Variants in CTRC observed in about 807,000 individuals in gnomAD.
CTRC encodes the protein chymotrypsin-C.
In CTRC, 32 loss-of-function variants were observed where a neutral mutation model predicts 35.7. That is an observed-to-expected ratio of 0.90 (90% CI 0.68 to 1.20). CTRC has a LOEUF of 1.20. Ranked by LOEUF, CTRC falls within the 50% of genes most tolerant of loss-of-function variation. The pLI is 0.00. For missense variants in CTRC, 324 were observed against 361.5 expected (o/e 0.90, Z 0.84); for synonymous variants, 119 against 149.5 (o/e 0.80, Z 1.49).
Position 15,441,378 on chromosome 1 carries a change from G to A in CTRC, c.230+788G>A, listed in dbSNP as rs558950677. 2.2e-3 allele frequency among the ~76,000 whole-genome samples: 329 copies of A among 152,228 alleles called. 1 individual carries two copies. The highest frequency in any genetic ancestry group is 3.5e-3 in the Non-Finnish European group (239 of 68,016). ...GAAATCATGGATCTAGGAGAAGGGTGTTCCAGGCGGAGGGAACAGCCATGC... is the reference window on the plus strand; with the variant it reads ...GAAATCATGGATCTAGGAGAAGGGTATTCCAGGCGGAGGGAACAGCCATGC... On this transcript the variant is annotated intron_variant, in intron 3 of 7. Coordinates refer to ENST00000375949, the MANE Select transcript of CTRC (RefSeq NM_007272.3).
rs555177697 is a variant in CTRC, at chr1:15,442,650, C to T, written c.356+78C>T. The T allele has an allele frequency of 1.1e-3, 1,672 of 1,588,456 alleles. 1 individual carries two copies. Among genetic ancestry groups the T allele is most frequent in the Non-Finnish European group, 1.3e-3 (1,532 of 1,162,894 alleles). ...GGTCCCCAAGACGGAGCCGCAGAGC[C>T]TGTCGCACCCCATACCTGACACCCC... On this transcript the variant is annotated intron_variant, in intron 4 of 7. Coordinates refer to ENST00000375949, the MANE Select transcript of CTRC (RefSeq NM_007272.3).
rs112254831 is a variant in CTRC, at chr1:15,447,167, G to A, written c.*578G>A. 6.5e-4 allele frequency: 136 copies of A among 207,874 alleles called. No homozygotes were observed. The highest frequency in any genetic ancestry group is 3.0e-3 in the African/African-American group (131 of 43,020). 12.9% of individuals were successfully genotyped at this position (207,874 alleles called of 1,614,324 possible). On this transcript the variant is annotated 3_prime_UTR_variant, in exon 8 of 8. Coordinates refer to ENST00000375949, the MANE Select transcript of CTRC (RefSeq NM_007272.3). ...AGGGACCCCCCACCCCCACCCCGCA[G>A]CACAGACCCCATGGCTGCTGTTGGC...
rs1046252272 is a variant in CTRC at position 15,443,320 on chromosome 1, C to A, written c.357-99C>A. Reference sequence around the variant, plus strand: ...GATGTTTGTGAAGGACCCCTGAGCACCCTGGGCCTGACTCCCAACTCACAG... The same window carrying A: ...GATGTTTGTGAAGGACCCCTGAGCAACCTGGGCCTGACTCCCAACTCACAG... On this transcript the variant is annotated intron_variant, in intron 4 of 7. Transcript: ENST00000375949. 4 of 1,467,546 alleles carry A rather than the reference C, an allele frequency of 2.7e-6. No individual in the cohort carries two copies. The African/African-American group carries it at 5.6e-5, about 20-fold the overall frequency. 90.9% of individuals were successfully genotyped at this position (1,467,546 alleles called of 1,614,324 possible).
chr1:15,445,206 A>G (rs1025911718), intron 6 of CTRC, among the ~76,000 whole-genome samples: 7 of 151,982 alleles, frequency 4.6e-5, no homozygotes, highest in African/African-American at 1.7e-4. Flanking sequence ...TCAAACACAC[A>G]ACCCTCTCCC....
intron 4 of CTRC, 151 bp from the exon 5 acceptor site, chr1:15,443,268 A>T: frequency 1.2e-6 from 1 of 867,578 alleles, no homozygotes; most frequent in Non-Finnish European, 1.9e-6. Flanking sequence ...TGATATTCCC[A>T]AAGGCCAAGA....
At chr1:15,441,377 T>A (rs1708129345) in intron 3 of CTRC, among the ~76,000 whole-genome samples, 1 of 151,954 alleles carries the variant, frequency 6.6e-6, no homozygotes, top group African/African-American at 2.4e-5. Flanking sequence ...AGGAGAAGGG[T>A]GTTCCAGGCG....
rs531236651 is a variant in CTRC at position 15,438,584 on chromosome 1, G to C, written c.40+80G>C. 64 of 1,506,562 alleles carry C rather than the reference G, an allele frequency of 4.2e-5. No homozygotes were observed. In the African/African-American group the frequency reaches 7.5e-4, roughly 18 times the overall value. The allele number at this position is 1,506,562 out of a possible 1,614,324, so 93.3% of individuals were successfully genotyped here. ...AGGGCAAGGACGGGATGGGGAGTGG[G>C]GGGGCCTCTGCTCTCCAGGTAAGAC... On this transcript the variant is annotated intron_variant, in intron 1 of 7. Coordinates refer to ENST00000375949, the MANE Select transcript of CTRC (RefSeq NM_007272.3).
At chr1:15,443,189 G>T (rs1026907309) in intron 4 of CTRC, among the ~76,000 whole-genome samples, 1 of 152,180 alleles carries the variant, frequency 6.6e-6, no homozygotes, top group African/African-American at 2.4e-5. Context: ...CTTTCCCGAG[G>T]TGATGACATG....
rs2103291536 is a variant in CTRC at position 15,443,551 on chromosome 1, CTG to C, written c.490_491del (p.Trp164AspfsTer7). The C allele has an allele frequency of 9.9e-6, 16 of 1,614,224 alleles. No individual in the cohort carries two copies. The highest frequency in any genetic ancestry group is 1.2e-5 in the Non-Finnish European group (14 of 1,180,050). The stretch of plus-strand genomic sequence containing the variant: ...GCTATGTCACCGGCTGGGGCCGCCT[CTG>C]GAGTGAGTATCGTCCCTGGCAAATC... ...PCYVTGWGRL[W>X]TNGPIADKLQ... On this transcript the variant is annotated frameshift_variant and splice_region_variant, in exon 5 of 8. Coordinates refer to ENST00000375949, the MANE Select transcript of CTRC (RefSeq NM_007272.3). LOFTEE classifies it high-confidence loss of function.
rs1267542378 is a variant in CTRC at position 15,448,478 on chromosome 1, A to T, written c.*1889A>T. The T allele has an allele frequency of 6.6e-6, 1 of 151,108 alleles. No individual in the cohort carries two copies. The highest frequency in any genetic ancestry group is 1.5e-5 in the Non-Finnish European group (1 of 67,876). 9.4% of individuals were successfully genotyped at this position (151,108 alleles called of 1,614,324 possible). On this transcript the variant is annotated 3_prime_UTR_variant, in exon 8 of 8. Coordinates refer to ENST00000375949, the MANE Select transcript of CTRC (RefSeq NM_007272.3). ...CTCAGCCTCCTGAGTAGCTGGGACT[A>T]CAGGCGCCAGCCACCATGCCTGGCT...
rs1417165247 is a variant in CTRC, at chr1:15,444,595, T to A, written c.494-11T>A. 6.2e-7 allele frequency: 1 copy of A among 1,613,992 alleles called. No individual in the cohort carries two copies. The highest frequency in any genetic ancestry group is 8.5e-7 in the Non-Finnish European group (1 of 1,179,960). On this transcript the variant is annotated splice_polypyrimidine_tract_variant and intron_variant, in intron 5 of 7. Coordinates refer to ENST00000375949, the MANE Select transcript of CTRC (RefSeq NM_007272.3). Reference sequence around the variant, plus strand: ...GGCTGCCTCCCTGGTCACTGCTCACTCTCTCCCCAGCCAACGGCCCCATTG... The same window carrying A: ...GGCTGCCTCCCTGGTCACTGCTCACACTCTCCCCAGCCAACGGCCCCATTG...
At chr1:15,439,885 G>A (rs1412140977) in intron 1 of CTRC, among the ~76,000 whole-genome samples, 1 of 152,134 alleles carries the variant, frequency 6.6e-6, no homozygotes, top group Non-Finnish European at 1.5e-5. Flanking sequence ...GGGATTACAG[G>A]CATGCACCAC....
Position 15,444,501 on chromosome 1 carries a change from C to T in CTRC, c.494-105C>T, listed in dbSNP as rs1184596507. On this transcript the variant is annotated intron_variant, in intron 5 of 7. Transcript: ENST00000375949. ...GTGGTCCGCACACTGTCTCAGCCGG[C>T]GCTCCCCTGGGTCCTGTCCCAGGCA... 12 of 1,406,974 alleles carry T rather than the reference C, an allele frequency of 8.5e-6. 1 individual carries two copies. The highest frequency in any genetic ancestry group is 1.4e-5 in the African/African-American group (1 of 70,382). 87.2% of individuals were successfully genotyped at this position (1,406,974 alleles called of 1,614,324 possible).
chr1:15,446,241 A>G (rs550387159), intron 7 of CTRC, among the ~76,000 whole-genome samples: 2 of 152,216 alleles, frequency 1.3e-5, no homozygotes, highest in Non-Finnish European at 2.9e-5. Context: ...CAGGCCCCAC[A>G]CCAGTCTCCC....
chr1:15,446,467 G>A (rs554322384), intron 7 of CTRC, 108 bp from the exon 8 acceptor site: 495 of 1,097,692 alleles, frequency 4.5e-4, no homozygotes, highest in Non-Finnish European at 5.9e-4. Context: ...TGTGAAGGCC[G>A]GGGGCTGCTG....
rs769324715 is a variant in CTRC at position 15,445,656 on chromosome 1, C to T, written c.699C>T (p.Gly233=). 1 of 1,614,186 alleles carries T rather than the reference C, an allele frequency of 6.2e-7. No individual in the cohort carries two copies. The highest frequency in any genetic ancestry group is 1.1e-5 in the South Asian group (1 of 91,080). Residue 233 remains glycine, a synonymous_variant, in exon 7 of 8, where the codon GGC becomes GGT. Coordinates refer to ENST00000375949, the MANE Select transcript of CTRC (RefSeq NM_007272.3). The part of the protein sequence containing the change: ...QLENGSWEVF[G]IVSFGSRRGC... ...AGAACGGTTCCTGGGAGGTGTTTGG[C>T]ATCGTCAGCTTTGGCTCCCGGCGGG... is the stretch of plus-strand genomic sequence containing the variant.
rs945343225 is a variant in CTRC, at chr1:15,446,881, C to G, written c.*292C>G. The stretch of plus-strand genomic sequence containing the variant: ...GAGCCCAGGGAGTCCTGCGTGAAGC[C>G]GGAGGGGATGGGAGTGAAGGACGCA... On this transcript the variant is annotated 3_prime_UTR_variant, in exon 8 of 8. Coordinates refer to ENST00000375949, the MANE Select transcript of CTRC (RefSeq NM_007272.3). 1 of 547,532 alleles carries G rather than the reference C, an allele frequency of 1.8e-6. No individual in the cohort carries two copies. The allele number at this position is 547,532 out of a possible 1,614,324, so 33.9% of individuals were successfully genotyped here.
chr1:15,443,423 G>C lies in CTRC; in HGVS notation c.361G>C (p.Asp121His). The C allele has an allele frequency of 6.2e-7, 1 of 1,614,206 alleles. No homozygotes were observed. The highest frequency in any genetic ancestry group is 1.1e-5 in the South Asian group (1 of 91,076). ...KRWNALLLRN[D>H]IALIKLAEHV... The stretch of plus-strand genomic sequence containing the variant: ...CCTCTCCACTTTGGATTCCAGCAAT[G>C]ATATTGCCCTCATCAAGCTTGCAGA... Residue 121 changes from aspartate (D) to histidine (H), a missense_variant, in exon 5 of 8, where the codon GAT (aspartate) becomes CAT (histidine). Coordinates refer to ENST00000375949, the MANE Select transcript of CTRC (RefSeq NM_007272.3).
chr1:15,443,262 A>G (rs965079979), intron 4 of CTRC, among the ~76,000 whole-genome samples, 157 bp from the exon 5 acceptor site: 6 of 152,158 alleles, frequency 3.9e-5, no homozygotes, highest in African/African-American at 1.4e-4. Flanking sequence ...TTGTCCTGAT[A>G]TTCCCAAAGG....
Sources: gnomAD v4.1 joint callset for allele counts (sites outside exome capture counted in the v4.1 genomes callset) on GRCh38, gnomAD v4.1.1 for gene constraint, MANE v1.5 for transcripts, NCBI Gene and HGNC (gene_info 2026-07-23, HGNC 2026-07-21) for gene names.